The following RAPGEF1 variants were observed in gnomAD, a reference collection of about 807,000 sequenced individuals.
The protein encoded by RAPGEF1 is CRK SH3-binding GNRP.
Under a neutral mutation model 143.3 loss-of-function variants are expected in RAPGEF1, and 33 were observed. The ratio of observed to expected loss-of-function variants is 0.23; its 90% CI spans 0.17 to 0.31. The LOEUF (loss-of-function observed/expected upper bound fraction) is 0.31, where lower values mean the gene tolerates loss of function less well. RAPGEF1 is among the 10% of genes least tolerant of loss of function. The pLI, the probability that RAPGEF1 is intolerant of heterozygous loss-of-function variation, is 1.00. For synonymous variants in RAPGEF1, 629 were observed against 676.5 expected (o/e 0.93, Z 1.09); for missense variants, 1,199 against 1,645.4 (o/e 0.73, Z 4.69).
intron 12 of RAPGEF1, among the ~76,000 whole-genome samples, chr9:131,615,848 C>T (rs1381420963): frequency 6.6e-6 from 1 of 152,152 alleles, no homozygotes; most frequent in Non-Finnish European, 1.5e-5. Flanking sequence ...CCTGTCCTTG[C>T]TCCGCCACCC....
intron 1 of RAPGEF1, among the ~76,000 whole-genome samples, chr9:131,718,689 A>G (rs1438438999): frequency 6.6e-6 from 1 of 152,198 alleles, no homozygotes; most frequent in Non-Finnish European, 1.5e-5. Context: ...GGCATTATTT[A>G]CTGTGATAGG....
At chr9:131,676,362 G>A (rs540652236) in intron 1 of RAPGEF1, among the ~76,000 whole-genome samples, 8 of 152,354 alleles carry the variant, frequency 5.3e-5, no homozygotes, top group Admixed American at 2.6e-4. Flanking sequence ...GGAATCACCT[G>A]TGTGGGGGAC....
Position 131,584,084 on chromosome 9 carries a change from AC to A in RAPGEF1, c.3414+226del, listed in dbSNP as rs1157874575. Reference sequence around the variant, plus strand: ...GGTGGCAGCAGAACACCGGGATGTGACCACCCCAGAACCAACCTCGAAGCTC... The same window carrying A: ...GGTGGCAGCAGAACACCGGGATGTGACACCCCAGAACCAACCTCGAAGCTC... On this transcript the variant is annotated intron_variant, in intron 24 of 26. Coordinates refer to ENST00000683357, the MANE Select transcript of RAPGEF1 (RefSeq NM_001377935.1). The surrounding 1 kb of genome is among the most constrained non-coding windows in gnomAD (Gnocchi z 6.8). Among the ~76,000 whole-genome samples, 1 of 152,048 alleles carries A rather than the reference AC, an allele frequency of 6.6e-6. No homozygotes were observed. Among genetic ancestry groups the A allele is most frequent in the Non-Finnish European group, 1.5e-5 (1 of 67,986 alleles).
At chr9:131,614,523 G>A (rs957994836) in intron 12 of RAPGEF1, among the ~76,000 whole-genome samples, 1 of 152,256 alleles carries the variant, frequency 6.6e-6, no homozygotes, top group African/African-American at 2.4e-5. Flanking sequence ...TGGCCAGGAG[G>A]TTGTGGGTAG....
At position 131,628,474 on chromosome 9, in the gene RAPGEF1, C is replaced by T; in HGVS notation, c.1017+75G>A. ...GCGCCTGAAGACCATGGGTTTCTTT[C>T]AGCTTCAGGAGCCACATCCCTGAGC... On this transcript the variant is annotated intron_variant, in intron 8 of 26. Coordinates refer to ENST00000683357, the MANE Select transcript of RAPGEF1 (RefSeq NM_001377935.1). This position sits in a 1 kb window ranked among gnomAD's most constrained non-coding sequence, Gnocchi z 5.7. 6.4e-7 allele frequency: 1 copy of T among 1,562,456 alleles called. No homozygotes were observed. The highest frequency in any genetic ancestry group is 8.7e-7 in the Non-Finnish European group (1 of 1,149,116).
chr9:131,685,875 CAGAG>C (rs903048470), intron 1 of RAPGEF1, among the ~76,000 whole-genome samples: 4 of 152,124 alleles, frequency 2.6e-5, no homozygotes, highest in African/African-American at 9.7e-5. Context: ...TTTGGACAAA[CAGAG>C]AGGCAGGGCA....
At chr9:131,727,312 G>A (rs1360375721) in intron 1 of RAPGEF1, among the ~76,000 whole-genome samples, 2 of 152,140 alleles carry the variant, frequency 1.3e-5, no homozygotes, top group African/African-American at 2.4e-5. Flanking sequence ...GGAATTTACG[G>A]CTTGGCAGAA....
At position 131,680,629 on chromosome 9, in the gene RAPGEF1, A is replaced by G. The variant is rs145472293; in HGVS notation, c.62-29680T>C. On this transcript the variant is annotated intron_variant, in intron 1 of 26. Transcript: ENST00000683357. ...GCTCCTGCTGCAGTTAACTAGCCCA[A>G]CCTATTCCTTTAATTTGGCCCATCC... is the stretch of plus-strand genomic sequence containing the variant. Among the ~76,000 whole-genome samples, 575 of 152,304 alleles carry G rather than the reference A, an allele frequency of 3.8e-3. 4 individuals carry two copies. The highest frequency in any genetic ancestry group is 0.012 in the African/African-American group (504 of 41,578).
At chr9:131,712,514 G>A (rs35202545) in intron 1 of RAPGEF1, among the ~76,000 whole-genome samples, 33,016 of 152,092 alleles carry the variant, frequency 0.22, 4,116 homozygotes, top group Non-Finnish European at 0.28. Flanking sequence ...AGGCCACTCT[G>A]GGCCCTGGAA....
intron 1 of RAPGEF1, among the ~76,000 whole-genome samples, chr9:131,681,791 GA>G (rs549581085): frequency 6.4e-4 from 97 of 152,072 alleles, no homozygotes; most frequent in Non-Finnish European, 1.1e-3. Flanking sequence ...TAGAGCTGGG[GA>G]AAAAATCACT....
At chr9:131,677,363 T>G (rs968837134) in intron 1 of RAPGEF1, among the ~76,000 whole-genome samples, 1 of 152,234 alleles carries the variant, frequency 6.6e-6, no homozygotes, top group East Asian at 1.9e-4. Flanking sequence ...ACTGTATTGC[T>G]GATGATAAAA....
Position 131,628,737 on chromosome 9 carries a change from T to G in RAPGEF1, c.894-65A>C. 2.0e-6 allele frequency: 3 copies of G among 1,525,386 alleles called. No individual in the cohort carries two copies. Among genetic ancestry groups the G allele is most frequent in the Non-Finnish European group, 2.7e-6 (3 of 1,131,424 alleles). The allele number at this position is 1,525,386 out of a possible 1,614,324, so 94.5% of individuals were successfully genotyped here. A position where few individuals can be genotyped will look rare whatever the true frequency, so the allele number is the denominator to read the frequency against. On this transcript the variant is annotated intron_variant, in intron 7 of 26. Coordinates refer to ENST00000683357, the MANE Select transcript of RAPGEF1 (RefSeq NM_001377935.1). This position sits in a 1 kb window ranked among gnomAD's most constrained non-coding sequence, Gnocchi z 5.7. ...TCACCAAAGCTCTTCAGCGTGATAT[T>G]GGGGTACAGGATGTGGGGTTCTTTC...
chr9:131,628,274 T>C lies in RAPGEF1; in HGVS notation c.1018-178A>G, dbSNP rs1472841224. ...CAGCTGAGAAGCAGCCATCTGGAGT[T>C]TGTGGGGGGTGTGGCCAGGGAGGGC... is the stretch of plus-strand genomic sequence containing the variant. On this transcript the variant is annotated intron_variant, in intron 8 of 26. Transcript: ENST00000683357. This position sits in a 1 kb window ranked among gnomAD's most constrained non-coding sequence, Gnocchi z 5.7. Among the ~76,000 whole-genome samples, 1 of 152,166 alleles carries C rather than the reference T, an allele frequency of 6.6e-6. No homozygotes were observed. The highest frequency in any genetic ancestry group is 2.4e-5 in the African/African-American group (1 of 41,444).
chr9:131,662,888 C>T (rs955557770), intron 1 of RAPGEF1, among the ~76,000 whole-genome samples: 7 of 152,014 alleles, frequency 4.6e-5, no homozygotes, highest in Non-Finnish European at 1.0e-4. Flanking sequence ...AGGCTGGTCT[C>T]GAGCTCCTGG....
chr9:131,644,642 A>T (rs562581460), intron 3 of RAPGEF1, among the ~76,000 whole-genome samples: 1 of 152,266 alleles, frequency 6.6e-6, no homozygotes, highest in African/African-American at 2.4e-5. Flanking sequence ...AGTGCTTATG[A>T]TTCTGAATAC....
At chr9:131,652,920 A>G (rs1239799943) in intron 1 of RAPGEF1, among the ~76,000 whole-genome samples, 2 of 152,232 alleles carry the variant, frequency 1.3e-5, no homozygotes, top group Non-Finnish European at 2.9e-5. Context: ...CAGGTGAGTA[A>G]TGCATTGCGC....
At chr9:131,627,238 A>AAAAAAAAAAAAAAG (rs1963461189) in intron 9 of RAPGEF1, among the ~76,000 whole-genome samples, 1 of 141,416 alleles carries the variant, frequency 7.1e-6, no homozygotes, top group Admixed American at 7.2e-5. Flanking sequence ...AAAAAAAAAA[A>AAAAAAAAAAAAAAG]AAAGAAACAA....
intron 4 of RAPGEF1, among the ~76,000 whole-genome samples, chr9:131,639,339 C>T (rs1321390065): frequency 1.3e-5 from 2 of 152,106 alleles, no homozygotes; most frequent in East Asian, 1.9e-4. Context: ...ATGAGACAGA[C>T]GTCAGGAGCG....
intron 1 of RAPGEF1, among the ~76,000 whole-genome samples, chr9:131,689,918 C>T (rs1833659796): frequency 6.6e-6 from 1 of 152,172 alleles, no homozygotes; most frequent in Non-Finnish European, 1.5e-5. Context: ...AGTTAAAATA[C>T]TGAAACATTA....
Sources: gnomAD v4.1 joint callset for allele counts (sites outside exome capture counted in the v4.1 genomes callset) on GRCh38, gnomAD v4.1.1 for gene constraint, Gnocchi (gnomAD v3.1) non-coding constraint, MANE v1.5 for transcripts, NCBI Gene and HGNC (gene_info 2026-07-23, HGNC 2026-07-21) for gene names.